PRRC2B: variants seen among roughly 807,000 people sequenced by gnomAD.
The protein encoded by PRRC2B is proline rich coiled-coil 2B, also known as protein PRRC2B.
In PRRC2B, 68 loss-of-function variants were observed where a neutral mutation model predicts 242.3. The ratio of observed to expected loss-of-function variants is 0.28; its 90% CI spans 0.23 to 0.34. The LOEUF (loss-of-function observed/expected upper bound fraction) is 0.34. Ranked by LOEUF, PRRC2B falls within the 10% of genes least tolerant of loss-of-function variation. PRRC2B has a pLI of 1.00. For missense variants in PRRC2B, 2,835 were observed against 2,954.8 expected (o/e 0.96, Z 0.94); for synonymous variants, 1,228 against 1,173.6 (o/e 1.05, Z -0.95).
chr9:131,390,649 A>AT (rs1315166535), upstream of PRRC2B, among the ~76,000 whole-genome samples: 5 of 148,232 alleles, frequency 3.4e-5, no homozygotes, highest in African/African-American at 1.0e-4. Flanking sequence ...CGCCTGGCTA[A>AT]TTTTTTGTAT....
rs757174918 is a variant in PRRC2B at position 131,464,975 on chromosome 9, A to G, written c.1617A>G (p.Ala539=). The G allele has an allele frequency of 2.5e-6, 4 of 1,613,988 alleles. No homozygotes were observed. The South Asian group carries it at 4.4e-5, about 18-fold the overall frequency. Residue 539 remains alanine (A), a synonymous_variant, in exon 12 of 32, where the codon GCA becomes GCG. Coordinates refer to ENST00000683519, the MANE Select transcript of PRRC2B (RefSeq NM_013318.4). ...AGCTGGACCAGAAGTGTAAGCAGGC[A>G]CGAAAGGCAGGTGAGGCCCGGAAGC... ...LKQLDQKCKQ[A]RKAGEARKQA...
chr9:131,417,488 A>T (rs1319271496), intron 1 of PRRC2B, among the ~76,000 whole-genome samples: 1 of 151,912 alleles, frequency 6.6e-6, no homozygotes, highest in Admixed American at 6.6e-5. Context: ...CCTTTCATGC[A>T]AGGTGCCTGC....
intron 8 of PRRC2B, 133 bp downstream of exon 8, chr9:131,447,339 G>A: frequency 9.1e-7 from 1 of 1,104,258 alleles, no homozygotes; most frequent in Non-Finnish European, 1.3e-6. Flanking sequence ...CAGCGTGGCA[G>A]GGTGTGTGGG....
At chr9:131,442,606 C>T (rs950470287) in intron 5 of PRRC2B, among the ~76,000 whole-genome samples, 2 of 152,152 alleles carry the variant, frequency 1.3e-5, no homozygotes, top group African/African-American at 4.8e-5. Context: ...CCGCGCCTTT[C>T]CGGCACAGTC....
chr9:131,481,203 G>A (rs1588277600), intron 19 of PRRC2B, among the ~76,000 whole-genome samples: 1 of 151,058 alleles, frequency 6.6e-6, no homozygotes, highest in South Asian at 2.1e-4. Context: ...CCAGCTATTC[G>A]GGAGGCTGAG....
At chr9:131,483,844 C>T (rs970581277) in intron 23 of PRRC2B, among the ~76,000 whole-genome samples, 2 of 152,200 alleles carry the variant, frequency 1.3e-5, no homozygotes, top group Non-Finnish European at 2.9e-5. Context: ...CCTGCTGGCG[C>T]TCTACCATGG....
rs369569552 is a variant in PRRC2B at position 131,447,241 on chromosome 9, A to G, written c.977+35A>G. On this transcript the variant is annotated intron_variant, in intron 8 of 31. Transcript: ENST00000683519. ...TTGCATTACAGTCACGTGTGTAGAG[A>G]TGAGTGCGGTGGTGATTCTGGTCAA... 184 of 1,612,450 alleles carry G rather than the reference A, an allele frequency of 1.1e-4. No individual in the cohort carries two copies. The South Asian group carries it at 1.6e-3, about 14-fold the overall frequency.
intron 2 of PRRC2B, 33 bp downstream of exon 2, chr9:131,430,292 A>G (rs1838096851): frequency 7.4e-7 from 1 of 1,347,072 alleles, no homozygotes; most frequent in Non-Finnish European, 1.0e-6. Context: ...AGTTCCTCAA[A>G]CTTTCTCCGA....
intron 11 of PRRC2B, among the ~76,000 whole-genome samples, chr9:131,460,623 G>A (rs760988822): frequency 2.8e-4 from 42 of 152,168 alleles, no homozygotes; most frequent in Non-Finnish European, 5.1e-4. Context: ...GAAACTTTGA[G>A]ACTGAACATC....
chr9:131,469,877 C>T (rs936795418), intron 13 of PRRC2B, among the ~76,000 whole-genome samples: 2 of 152,150 alleles, frequency 1.3e-5, no homozygotes, highest in Non-Finnish European at 2.9e-5. Context: ...GGCAAGGGTG[C>T]ACAGGGAGTC....
intron 1 of PRRC2B, among the ~76,000 whole-genome samples, chr9:131,414,511 C>T (rs1197244281): frequency 6.7e-6 from 1 of 149,802 alleles, no homozygotes; most frequent in East Asian, 2.0e-4. Flanking sequence ...CTCCAGAAGC[C>T]TCTATCCTGT....
chr9:131,393,157 C>T (rs188607719), upstream of PRRC2B, among the ~76,000 whole-genome samples: 1 of 152,224 alleles, frequency 6.6e-6, no homozygotes, highest in African/African-American at 2.4e-5. Context: ...TTTGTCTCAC[C>T]TGTGAATTAG....
intron 9 of PRRC2B, 128 bp downstream of exon 9, chr9:131,447,932 G>A: frequency 9.9e-7 from 1 of 1,005,130 alleles, no homozygotes; most frequent in Non-Finnish European, 1.4e-6. Context: ...AGCCGGACAG[G>A]GAAGCAGACC....
At chr9:131,410,851 C>T (rs537947084) in intron 1 of PRRC2B, among the ~76,000 whole-genome samples, 18 of 152,198 alleles carry the variant, frequency 1.2e-4, no homozygotes, top group Non-Finnish European at 1.3e-4. Flanking sequence ...TTCTGCTTTC[C>T]CTTACATTTG....
chr9:131,425,654 AT>A (rs576446282), intron 1 of PRRC2B, among the ~76,000 whole-genome samples: 1 of 150,334 alleles, frequency 6.7e-6, no homozygotes, highest in East Asian at 2.0e-4. Context: ...CGCCAGGCTC[AT>A]TTTTTTTGTA....
intron 1 of PRRC2B, among the ~76,000 whole-genome samples, chr9:131,414,825 C>T (rs1214005103): frequency 6.6e-6 from 1 of 151,996 alleles, no homozygotes; most frequent in South Asian, 2.1e-4. Context: ...CCGCCTTGGC[C>T]TCCCAAAGTG....
At chr9:131,479,162 T>C in intron 18 of PRRC2B, 90 bp from the exon 19 acceptor site, 1 of 1,338,490 alleles carries the variant, frequency 7.5e-7, no homozygotes, top group Middle Eastern at 1.9e-4. Flanking sequence ...TCAGGTGGTG[T>C]GATTTTTGGT....
intron 1 of PRRC2B, among the ~76,000 whole-genome samples, chr9:131,396,320 C>CTT (rs1837055128): frequency 1.5e-5 from 2 of 130,544 alleles, no homozygotes; most frequent in Admixed American, 8.0e-5. Flanking sequence ...TTTTTCTTTT[C>CTT]TTTTCTTTTT....
In PRRC2B at chr9:131,492,109, G is replaced by A; in HGVS notation, c.6382-60G>A. 3.0e-6 allele frequency: 4 copies of A among 1,319,186 alleles called. No homozygotes were observed. The South Asian group carries it at 4.7e-5, about 16-fold the overall frequency. The allele number at this position is 1,319,186 out of a possible 1,614,324, so 81.7% of individuals were successfully genotyped here. On this transcript the variant is annotated intron_variant, in intron 29 of 31. Coordinates refer to ENST00000683519, the MANE Select transcript of PRRC2B (RefSeq NM_013318.4). ...CTCTGCCCTGGGTTGTTCAGTAAGT[G>A]TGTGGTCCAGCTGTCTCCAGGGCCT...
Sources: gnomAD v4.1 joint callset for allele counts (sites outside exome capture counted in the v4.1 genomes callset) on GRCh38, gnomAD v4.1.1 for gene constraint, MANE v1.5 for transcripts, NCBI Gene and HGNC (gene_info 2026-07-23, HGNC 2026-07-21) for gene names.